The following SAMMSON variants were observed in gnomAD, a reference collection of about 807,000 sequenced individuals.
The protein encoded by SAMMSON is survival associated mitochondrial melanoma specific oncogenic non-coding RNA, also known as long intergenic non-protein coding RNA 1212.
chr3:70,255,765 A>AT (rs991443768), intron 6 of SAMMSON, among the ~76,000 whole-genome samples: 100 of 152,186 alleles, frequency 6.6e-4, no homozygotes, highest in African/African-American at 2.3e-3. Context: ...CCAGGGGGCT[A>AT]TTTTTCAACT....
At chr3:70,186,765 G>A (rs1388698476) in intron 4 of SAMMSON, among the ~76,000 whole-genome samples, 1 of 152,158 alleles carries the variant, frequency 6.6e-6, no homozygotes, top group Non-Finnish European at 1.5e-5. Flanking sequence ...TGCTCATAAA[G>A]TGTCATTATG....
chr3:70,401,384 T>C lies in SAMMSON; in HGVS notation n.233+43060T>C, dbSNP rs570563816. On this transcript the variant is annotated intron_variant and non_coding_transcript_variant, in intron 2 of 3. Transcript: ENST00000641053. Reference sequence around the variant, plus strand: ...AAGAATGCAAGTTTCAATTTAGGCCTCTACCTTACTCTTACATAAGGCAAT... The same window carrying C: ...AAGAATGCAAGTTTCAATTTAGGCCCCTACCTTACTCTTACATAAGGCAAT... 1.2e-4 allele frequency among the ~76,000 whole-genome samples: 19 copies of C among 152,306 alleles called. No homozygotes were observed. In the East Asian group the frequency reaches 3.7e-3, roughly 29 times the overall value.
At chr3:70,196,280 A>G (rs72941566) in intron 4 of SAMMSON, among the ~76,000 whole-genome samples, 15,180 of 152,250 alleles carry the variant, frequency 0.1, 827 homozygotes, top group South Asian at 0.22. Flanking sequence ...CTAGAATTAT[A>G]GTACTCTCTT....
At chr3:70,130,249 A>G (rs768618356) in intron 4 of SAMMSON, among the ~76,000 whole-genome samples, 6 of 152,206 alleles carry the variant, frequency 3.9e-5, no homozygotes, top group Non-Finnish European at 2.9e-5. Context: ...AAAGAATTGC[A>G]TCTGAGGAGC....
At chr3:70,333,993 G>T (rs193041884) in intron 7 of SAMMSON, among the ~76,000 whole-genome samples, 1 of 152,272 alleles carries the variant, frequency 6.6e-6, no homozygotes, top group East Asian at 1.9e-4. Context: ...AAAATCAGTT[G>T]GCAAAGCTTC....
intron 4 of SAMMSON, among the ~76,000 whole-genome samples, chr3:70,143,488 C>T (rs781738119): frequency 3.3e-5 from 5 of 152,096 alleles, no homozygotes; most frequent in Non-Finnish European, 7.4e-5. Context: ...CTGGCCATCC[C>T]TCACCCTGCC....
At chr3:70,266,781 T>G (rs923820034) in intron 6 of SAMMSON, among the ~76,000 whole-genome samples, 1 of 152,102 alleles carries the variant, frequency 6.6e-6, no homozygotes, top group Admixed American at 6.5e-5. Flanking sequence ...CTATAGTATT[T>G]GAAACATGAA....
intron 7 of SAMMSON, among the ~76,000 whole-genome samples, chr3:70,321,881 G>T (rs1000182): frequency 6.6e-6 from 1 of 151,860 alleles, no homozygotes; most frequent in East Asian, 1.9e-4. Flanking sequence ...AAATTGTAGC[G>T]TAGAGATGAA....
chr3:70,214,446 G>A (rs962389574), intron 4 of SAMMSON, among the ~76,000 whole-genome samples: 5 of 151,956 alleles, frequency 3.3e-5, no homozygotes, highest in Non-Finnish European at 2.9e-5. Flanking sequence ...GAGAGAAAAG[G>A]CTAAAGTATA....
intron 9 of SAMMSON, among the ~76,000 whole-genome samples, chr3:70,386,321 T>C (rs1470031222): frequency 3.9e-5 from 6 of 152,058 alleles, no homozygotes; most frequent in Admixed American, 6.6e-5. Flanking sequence ...GAAACCACTA[T>C]TATTCCCCAT....
chr3:70,029,752 C>CAA (rs5849936), intron 3 of SAMMSON, among the ~76,000 whole-genome samples: 4 of 78,802 alleles, frequency 5.1e-5, no homozygotes, highest in Non-Finnish European at 8.2e-5. Flanking sequence ...AAGACTCTGT[C>CAA]AAAAAAAAAA....
In SAMMSON at chr3:70,023,302, A is replaced by G. The variant is rs1386080687; in HGVS notation, n.417+9630A>G. ...AAACCCCGTCTCTAGTAAAAATACAAAAAAAAAAATTAGCCAGGCGTGGTG... is the reference window on the plus strand; with the variant it reads ...AAACCCCGTCTCTAGTAAAAATACAGAAAAAAAAATTAGCCAGGCGTGGTG... On this transcript the variant is annotated intron_variant and non_coding_transcript_variant, in intron 3 of 9. Coordinates refer to ENST00000642114, the Ensembl canonical transcript of SAMMSON. 2.0e-5 allele frequency among the ~76,000 whole-genome samples: 3 copies of G among 148,718 alleles called. No homozygotes were observed. In the East Asian group the frequency reaches 5.9e-4, roughly 29 times the overall value.
At chr3:70,187,044 G>A (rs926548501) in intron 4 of SAMMSON, among the ~76,000 whole-genome samples, 1 of 152,162 alleles carries the variant, frequency 6.6e-6, no homozygotes, top group Non-Finnish European at 1.5e-5. Context: ...TGGGCCTTTC[G>A]TCTTTCTCTA....
At chr3:70,232,791 T>C (rs1701572964) in intron 4 of SAMMSON, among the ~76,000 whole-genome samples, 1 of 152,174 alleles carries the variant, frequency 6.6e-6, no homozygotes, top group Non-Finnish European at 1.5e-5. Context: ...GACTTCTTAC[T>C]GGGTTGGAGA....
At chr3:70,359,111 ACAT>A (rs1702852113) in intron 9 of SAMMSON, among the ~76,000 whole-genome samples, 1 of 152,074 alleles carries the variant, frequency 6.6e-6, no homozygotes, top group Non-Finnish European at 1.5e-5. Context: ...ATATCAGAAA[ACAT>A]CATCATCAAT....
chr3:70,072,090 C>G (rs1051923502), intron 4 of SAMMSON: 1 of 151,970 alleles, frequency 6.6e-6, no homozygotes, highest in Non-Finnish European at 1.5e-5. Flanking sequence ...TCTCCTCTTT[C>G]TTTCTCCTTT....
intron 9 of SAMMSON, among the ~76,000 whole-genome samples, chr3:70,378,589 T>C (rs1027122073): frequency 1.3e-5 from 2 of 152,264 alleles, no homozygotes; most frequent in Admixed American, 6.5e-5. Flanking sequence ...ACTATAGAAT[T>C]CTATTTTATT....
chr3:70,017,185 C>T (rs1028954228), intron 3 of SAMMSON, among the ~76,000 whole-genome samples: 1 of 152,122 alleles, frequency 6.6e-6, no homozygotes, highest in Non-Finnish European at 1.5e-5. Context: ...GGCAGTATGG[C>T]CACTTTCACG....
chr3:70,421,298 A>C (rs918459105), intron 2 of SAMMSON, among the ~76,000 whole-genome samples: 1 of 152,208 alleles, frequency 6.6e-6, no homozygotes, highest in South Asian at 2.1e-4. Context: ...TCTGACAAAC[A>C]GCTTTAGATC....
Sources: allele counts gnomAD v4.1 joint callset (sites outside exome capture counted in the v4.1 genomes callset), GRCh38; gene constraint gnomAD v4.1.1; transcripts MANE v1.5; gene names NCBI Gene and HGNC (gene_info 2026-07-23, HGNC 2026-07-21).